KRT72: variants seen among roughly 807,000 people sequenced by gnomAD.
The protein encoded by KRT72 is keratin, type II cytoskeletal 72.
Under a neutral mutation model 44.7 loss-of-function variants are expected in KRT72, and 44 were observed. The ratio of observed to expected loss-of-function variants is 0.98; its 90% CI spans 0.77 to 1.27. The LOEUF is 1.27. Ranked by LOEUF, KRT72 falls within the 50% of genes most tolerant of loss-of-function variation. The pLI is 0.00. For missense variants in KRT72, 736 were observed against 667.1 expected, an observed-to-expected ratio of 1.10 and a Z score of -1.14; for synonymous variants, 302 against 280.4, an observed-to-expected ratio of 1.08 and a Z score of -0.77.
intron 2 of KRT72, among the ~76,000 whole-genome samples, chr12:52,597,233 T>A (rs1447358791): frequency 2.0e-5 from 3 of 152,254 alleles, no homozygotes; most frequent in Non-Finnish European, 2.9e-5. Flanking sequence ...AAGAGTTTTT[T>A]AAAATCATTT....
At chr12:52,592,651 G>A (rs373893434) in intron 3 of KRT72, among the ~76,000 whole-genome samples, 160 bp from the exon 4 acceptor site, 27 of 152,174 alleles carry the variant, frequency 1.8e-4, no homozygotes, top group Admixed American at 1.1e-3. Flanking sequence ...ACCAACTAAC[G>A]TGCAGTGCAA....
chr12:52,599,466 A>G (rs1234111336), intron 1 of KRT72: 3 of 466,286 alleles, frequency 6.4e-6, no homozygotes, highest in African/African-American at 2.0e-5. Flanking sequence ...GTGACATTGG[A>G]AAGCACACTG....
At chr12:52,590,591 G>A (rs887382577) in intron 6 of KRT72, among the ~76,000 whole-genome samples, 1 of 152,118 alleles carries the variant, frequency 6.6e-6, no homozygotes, top group African/African-American at 2.4e-5. Context: ...CTCTCCTGGT[G>A]TAATCCTACC....
In KRT72 at chr12:52,601,460, A is replaced by C. The variant is rs1592237305; in HGVS notation, c.-8T>G. 1.3e-6 allele frequency: 2 copies of C among 1,534,286 alleles called. No homozygotes were observed. Among genetic ancestry groups the C allele is most frequent in the Non-Finnish European group, 1.7e-6 (2 of 1,146,142 alleles). On this transcript the variant is annotated 5_prime_UTR_variant, in exon 1 of 9. Transcript: ENST00000293745. ...GGTCAGTTGGCGGCTCATGGCTCGC[A>C]AGTACCGGTGCTGGCCGCGCGGGAG...
At chr12:52,592,748 G>C (rs1213609513) in intron 3 of KRT72, 144 bp downstream of exon 3, 2 of 715,572 alleles carry the variant, frequency 2.8e-6, no homozygotes, top group Non-Finnish European at 4.8e-6. Flanking sequence ...GGGACTTGGA[G>C]GGAGGGGCTG....
At chr12:52,593,960 G>A (rs2120772654) in intron 2 of KRT72, among the ~76,000 whole-genome samples, 1 of 152,268 alleles carries the variant, frequency 6.6e-6, no homozygotes, top group African/African-American at 2.4e-5. Flanking sequence ...GTGGACAGTG[G>A]TGATGGTTGC....
Position 52,601,294 on chromosome 12 carries a change from C to G in KRT72, c.159G>C (p.Gly53=). 1 of 1,549,822 alleles carries G rather than the reference C, an allele frequency of 6.5e-7. No individual in the cohort carries two copies. The highest frequency in any genetic ancestry group is 1.2e-5 in the South Asian group (1 of 84,478). ...SFGSKSLSCL[G]GSRSLALSAA... is the part of the protein sequence containing the mutation. ...CGCTGAGCGCCAGGCTTCGGCTGCC[C>G]CCAAGGCAGGAGAGGCTCTTGCTGC... Residue 53 remains glycine, a synonymous_variant, in exon 1 of 9, where the codon GGG becomes GGC. Coordinates refer to ENST00000293745, the MANE Select transcript of KRT72 (RefSeq NM_080747.3).
chr12:52,590,523 T>G (rs1939961098), intron 6 of KRT72, among the ~76,000 whole-genome samples: 1 of 152,238 alleles, frequency 6.6e-6, no homozygotes, highest in Non-Finnish European at 1.5e-5. Flanking sequence ...GCACACGTGC[T>G]GTGCACATCA....
chr12:52,599,022 C>T lies in KRT72; in HGVS notation c.517G>A (p.Glu173Lys). ...CTGATGTAGCCCTCATAAATGGGCT[C>T]CAGGTTCTTCCTGCAGTTGTTCAAG... The part of the protein sequence containing the change: ...LDLNNCRKNL[E>K]PIYEGYISNL... Residue 173 changes from glutamate (E) to lysine (K), a missense_variant, in exon 2 of 9, where the codon GAG becomes AAG. Glu to Lys is a moderately conservative substitution (Grantham distance 56). Coordinates refer to ENST00000293745, the MANE Select transcript of KRT72 (RefSeq NM_080747.3). The T allele has an allele frequency of 6.2e-7, 1 of 1,613,974 alleles. No individual in the cohort carries two copies. Among genetic ancestry groups the T allele is most frequent in the Non-Finnish European group, 8.5e-7 (1 of 1,179,858 alleles).
chr12:52,590,208 G>A (rs1939944006), intron 6 of KRT72, among the ~76,000 whole-genome samples: 2 of 152,162 alleles, frequency 1.3e-5, no homozygotes, highest in South Asian at 4.1e-4. Flanking sequence ...CCAAAGAGGG[G>A]GACCTCGGTG....
At chr12:52,591,050 C>A in intron 5 of KRT72, 89 bp from the exon 6 acceptor site, 1 of 1,286,680 alleles carries the variant, frequency 7.8e-7, no homozygotes, top group Non-Finnish European at 1.0e-6. Context: ...GGATCCTGCC[C>A]TAGTTCAACA....
rs1178153714 is a variant in KRT72, at chr12:52,599,013, A to G, written c.526T>C (p.Tyr176His). Residue 176 changes from tyrosine to histidine, a missense_variant, in exon 2 of 9, where the codon TAT becomes CAT. By Grantham distance (83) the Tyr-to-His change is moderately conservative (BLOSUM62 2). Coordinates refer to ENST00000293745, the MANE Select transcript of KRT72 (RefSeq NM_080747.3). ...TGCAGGTTGCTGATGTAGCCCTCAT[A>G]AATGGGCTCCAGGTTCTTCCTGCAG... ...NNCRKNLEPI[Y>H]EGYISNLQKQ... 8 of 1,613,912 alleles carry G rather than the reference A, an allele frequency of 5.0e-6. No homozygotes were observed. Among genetic ancestry groups the G allele is most frequent in the Non-Finnish European group, 6.8e-6 (8 of 1,179,912 alleles).
Position 52,590,283 on chromosome 12 carries a change from C to A in KRT72, c.1089+553G>T, listed in dbSNP as rs573415467. Among the ~76,000 whole-genome samples, 8 of 152,308 alleles carry A rather than the reference C, an allele frequency of 5.3e-5. No homozygotes were observed. The Middle Eastern group carries it at 0.014, about 259-fold the overall frequency. On this transcript the variant is annotated intron_variant, in intron 6 of 8. Coordinates refer to ENST00000293745, the MANE Select transcript of KRT72 (RefSeq NM_080747.3). Reference sequence around the variant, plus strand: ...CCCACGCTAGTGCAGGGCCCTGAGCCCGATCTGGGTTGTGGGGGCTGTGCC... The same window carrying A: ...CCCACGCTAGTGCAGGGCCCTGAGCACGATCTGGGTTGTGGGGGCTGTGCC...
At chr12:52,595,463 C>A (rs980007397) in intron 2 of KRT72, among the ~76,000 whole-genome samples, 3 of 152,096 alleles carry the variant, frequency 2.0e-5, no homozygotes, top group Non-Finnish European at 4.4e-5. Flanking sequence ...CCCTAAAGTA[C>A]AAATTCTTAC....
intron 6 of KRT72, among the ~76,000 whole-genome samples, chr12:52,589,093 C>T (rs1592223330): frequency 6.6e-6 from 1 of 152,110 alleles, no homozygotes; most frequent in Non-Finnish European, 1.5e-5. Context: ...TATGTGAAAG[C>T]CCCCAGGGGG....
At chr12:52,599,751 T>C (rs1296954634) in intron 1 of KRT72, among the ~76,000 whole-genome samples, 3 of 152,142 alleles carry the variant, frequency 2.0e-5, no homozygotes, top group Non-Finnish European at 4.4e-5. Context: ...CTGCTGTGTT[T>C]CTTCCATGCA....
At chr12:52,592,745 G>T in intron 3 of KRT72, 147 bp downstream of exon 3, 1 of 711,760 alleles carries the variant, frequency 1.4e-6, no homozygotes, top group South Asian at 1.7e-5. Context: ...CAAGGGACTT[G>T]GAGGGAGGGG....
upstream of KRT72, chr12:52,601,569 T>C (rs1438812054): frequency 1.3e-5 from 14 of 1,043,946 alleles, no homozygotes; most frequent in Non-Finnish European, 1.7e-5. Flanking sequence ...GCCTAATTTG[T>C]ATGTCGACAA....
At chr12:52,601,499 A>C (rs1332306135), upstream of KRT72, 10 of 1,522,520 alleles carry the variant, frequency 6.6e-6, no homozygotes, top group Admixed American at 1.2e-4. Flanking sequence ...GAAGGGGCGC[A>C]AACAGCCGCT....
Sources: gnomAD v4.1 joint callset for allele counts (sites outside exome capture counted in the v4.1 genomes callset) on GRCh38, gnomAD v4.1.1 for gene constraint, MANE v1.5 for transcripts, NCBI Gene and HGNC (gene_info 2026-07-23, HGNC 2026-07-21) for gene names.